The following GPR26 variants were observed in gnomAD, a reference collection of about 807,000 sequenced individuals.
GPR26 encodes G protein-coupled receptor 26.
In GPR26, 15 loss-of-function variants were observed where a neutral mutation model predicts 23.1. The ratio of observed to expected loss-of-function variants is 0.65; its 90% CI spans 0.43 to 1.00. GPR26 has a LOEUF of 1.00. Among genes scored for constraint, GPR26 ranks in the 50% least tolerant of loss-of-function variants. The pLI, the probability that GPR26 is intolerant of heterozygous loss-of-function variation, is 0.00. For missense variants in GPR26, 359 were observed against 470.5 expected (o/e 0.76, Z 2.19); for synonymous variants, 228 against 222.1 (o/e 1.03, Z -0.24).
intron 1 of GPR26, among the ~76,000 whole-genome samples, chr10:123,671,978 G>A (rs1169435231): frequency 2.0e-5 from 3 of 152,160 alleles, no homozygotes; most frequent in African/African-American, 7.2e-5. Flanking sequence ...TTCTCATACT[G>A]TGCTTAAATA....
chr10:123,677,607 G>A (rs998722910), intron 2 of GPR26, among the ~76,000 whole-genome samples: 5 of 152,298 alleles, frequency 3.3e-5, no homozygotes, highest in Middle Eastern at 3.4e-3. Context: ...GTGCGACCCC[G>A]GGAGTTCCCC....
At chr10:123,679,301 A>C (rs1023052902) in intron 2 of GPR26, among the ~76,000 whole-genome samples, 2 of 151,158 alleles carry the variant, frequency 1.3e-5, no homozygotes, top group African/African-American at 4.9e-5. Flanking sequence ...TTAGCAGAGC[A>C]CTGTGTTGAA....
chr10:123,695,505 G>C lies in GPR26; in HGVS notation c.*7345G>C, dbSNP rs1030808549. Among the ~76,000 whole-genome samples, 5 of 152,140 alleles carry C rather than the reference G, an allele frequency of 3.3e-5. No homozygotes were observed. The highest frequency in any genetic ancestry group is 9.7e-5 in the African/African-American group (4 of 41,416). ...GAGTTAAGAGTATCACCATCAAGGC[G>C]CAAGGCTTCAGTCTTATCCCGGACA... On this transcript the variant is annotated 3_prime_UTR_variant, in exon 3 of 3. Transcript: ENST00000284674.
rs910756881 is a variant in GPR26 at position 123,671,101 on chromosome 10, C to G, written c.669-3717C>G. On this transcript the variant is annotated intron_variant, in intron 1 of 2. Transcript: ENST00000284674. ...TGCCTTAAAAGCCAGAAAAACCAAT[C>G]TGAGTCACTCCTTAAATACTCAGAG... Among the ~76,000 whole-genome samples, 3 of 152,198 alleles carry G rather than the reference C, an allele frequency of 2.0e-5. 1 individual carries two copies. In the South Asian group the frequency reaches 6.2e-4, roughly 32 times the overall value.
chr10:123,673,678 C>T (rs1319686543), intron 1 of GPR26, among the ~76,000 whole-genome samples: 1 of 152,020 alleles, frequency 6.6e-6, no homozygotes, highest in Non-Finnish European at 1.5e-5. Context: ...CTTCAATGAC[C>T]CCATCATGTG....
At chr10:123,677,194 T>A (rs192253119) in intron 2 of GPR26, among the ~76,000 whole-genome samples, 1 of 148,738 alleles carries the variant, frequency 6.7e-6, no homozygotes, top group Non-Finnish European at 1.5e-5. Context: ...AAAAAAAAAA[T>A]TACAGCTAGG....
rs994936412 is a variant in GPR26 at position 123,693,000 on chromosome 10, C to G, written c.*4840C>G. ...GACAAAACTGATCTCTCCATGAAAT[C>G]CCCTGCACCTCACTCTGGGCAGCTC... is the stretch of plus-strand genomic sequence containing the variant. On this transcript the variant is annotated 3_prime_UTR_variant, in exon 3 of 3. Transcript: ENST00000284674. 1 of 152,180 alleles carries G rather than the reference C, an allele frequency of 6.6e-6. No individual in the cohort carries two copies. The highest frequency in any genetic ancestry group is 1.5e-5 in the Non-Finnish European group (1 of 68,052). The allele number at this position is 152,180 out of a possible 1,614,324, so 9.4% of individuals were successfully genotyped here. A position where few individuals can be genotyped will look rare whatever the true frequency, so the allele number is the denominator to read the frequency against.
chr10:123,675,633 A>C (rs1004215323), intron 2 of GPR26, among the ~76,000 whole-genome samples: 1 of 151,918 alleles, frequency 6.6e-6, no homozygotes, highest in African/African-American at 2.4e-5. Flanking sequence ...TATATTACTC[A>C]ATCAGTTTTG....
chr10:123,669,834 C>T (rs1390796539), intron 1 of GPR26, among the ~76,000 whole-genome samples: 2 of 152,200 alleles, frequency 1.3e-5, no homozygotes, highest in Non-Finnish European at 2.9e-5. Flanking sequence ...ATTCCGCACT[C>T]CTGCCTTTCT....
rs1316033988 is a variant in GPR26 at position 123,666,866 on chromosome 10, C to T, written c.459C>T (p.Tyr153=). Residue 153 remains tyrosine (Y), a synonymous_variant, in exon 1 of 3, where the codon TAC becomes TAT. Coordinates refer to ENST00000284674, the MANE Select transcript of GPR26 (RefSeq NM_153442.4). The part of the protein sequence containing the change: ...ALSWLGFHQL[Y]ASCTLCSRRP... Reference sequence around the variant, plus strand: ...CCTGGCTCGGCTTCCACCAGCTGTACGCCTCGTGCACGCTGTGCAGCCGGC... The same window carrying T: ...CCTGGCTCGGCTTCCACCAGCTGTATGCCTCGTGCACGCTGTGCAGCCGGC... The T allele has an allele frequency of 6.2e-7, 1 of 1,611,108 alleles. No individual in the cohort carries two copies. The highest frequency in any genetic ancestry group is 8.5e-7 in the Non-Finnish European group (1 of 1,179,056).
At position 123,690,593 on chromosome 10, in the gene GPR26, C is replaced by G. The variant is rs1034338446; in HGVS notation, c.*2433C>G. On this transcript the variant is annotated 3_prime_UTR_variant, in exon 3 of 3. Transcript: ENST00000284674. ...TCTAAAACCAATTGTACCGACATCACGTAGACAAAAACTCCAGATAAATCC... is the reference window on the plus strand; with the variant it reads ...TCTAAAACCAATTGTACCGACATCAGGTAGACAAAAACTCCAGATAAATCC... The G allele has an allele frequency of 1.3e-5, 2 of 152,132 alleles. No homozygotes were observed. The highest frequency in any genetic ancestry group is 2.9e-5 in the Non-Finnish European group (2 of 68,036). The allele number at this position is 152,132 out of a possible 1,614,324, so 9.4% of individuals were successfully genotyped here.
At position 123,688,222 on chromosome 10, in the gene GPR26, C is replaced by A; in HGVS notation, c.*62C>A. 1 of 456,000 alleles carries A rather than the reference C, an allele frequency of 2.2e-6. No homozygotes were observed. The highest frequency in any genetic ancestry group is 4.4e-6 in the Non-Finnish European group (1 of 226,772). The allele number at this position is 456,000 out of a possible 1,614,324, so 28.2% of individuals were successfully genotyped here. ...AGCGGTGAGAAGAAGGGTGGGAGGG[C>A]GTGGGGGCCCCTGGGTGGACACCAC... On this transcript the variant is annotated 3_prime_UTR_variant, in exon 3 of 3. Coordinates refer to ENST00000284674, the MANE Select transcript of GPR26 (RefSeq NM_153442.4).
chr10:123,685,079 T>C (rs1340641180), intron 2 of GPR26, among the ~76,000 whole-genome samples: 3 of 152,112 alleles, frequency 2.0e-5, no homozygotes, highest in Non-Finnish European at 4.4e-5. Flanking sequence ...GGGAAAGGCA[T>C]TAAATAAACT....
chr10:123,681,020 G>A (rs1017051645), intron 2 of GPR26, among the ~76,000 whole-genome samples: 3 of 152,006 alleles, frequency 2.0e-5, no homozygotes, highest in African/African-American at 7.2e-5. Context: ...GATATTTTTA[G>A]TAGAGATGGG....
chr10:123,673,754 A>G (rs1221517678), intron 1 of GPR26, among the ~76,000 whole-genome samples: 1 of 152,174 alleles, frequency 6.6e-6, no homozygotes, highest in East Asian at 1.9e-4. Flanking sequence ...GGAGGAAAGG[A>G]AGCCTCATGC....
intron 1 of GPR26, among the ~76,000 whole-genome samples, chr10:123,667,561 C>CTGTG (rs71026066): frequency 0.2 from 25,149 of 124,752 alleles, 2,681 homozygotes; most frequent in Middle Eastern, 0.26. Context: ...TGTCTCACGA[C>CTGTG]TGTGTGTGTG....
chr10:123,688,631 C>CG lies in GPR26; in HGVS notation c.*471_*472insG. On this transcript the variant is annotated 3_prime_UTR_variant, in exon 3 of 3. Transcript: ENST00000284674. ...GTCATTTGGCCCGGATCTAACATGG[C>CG]ACCTCGTCTCCACAGGGTAGTGGTG... The CG allele has an allele frequency of 2.8e-5, 5 of 176,710 alleles. No homozygotes were observed. The highest frequency in any genetic ancestry group is 2.8e-4 in the South Asian group (2 of 7,142). The allele number at this position is 176,710 out of a possible 1,614,324, so 10.9% of individuals were successfully genotyped here.
Position 123,666,717 on chromosome 10 carries a change from C to G in GPR26, c.310C>G (p.Arg104Gly), listed in dbSNP as rs1845188354. The change falls in exon 1 of 3, where the codon CGC becomes GGC. Residue 104 changes from arginine to glycine, a missense_variant. Physicochemically the swap from Arg to Gly is moderately radical, Grantham distance 125. Transcript: ENST00000284674. Reference sequence around the variant, plus strand: ...CAGCATGGCCGCGCTCAGCATCGACCGCTGGGTGGCCGTGGTCTTCCCGCT... The same window carrying G: ...CAGCATGGCCGCGCTCAGCATCGACGGCTGGGTGGCCGTGGTCTTCCCGCT... ...MLSMAALSIDRWVAVVFPLSY... is the reference protein window; with the variant it reads ...MLSMAALSIDGWVAVVFPLSY... 1 of 1,598,786 alleles carries G rather than the reference C, an allele frequency of 6.3e-7. No homozygotes were observed. Among genetic ancestry groups the G allele is most frequent in the Non-Finnish European group, 8.5e-7 (1 of 1,177,766 alleles).
intron 1 of GPR26, among the ~76,000 whole-genome samples, chr10:123,668,472 A>G (rs577957870): frequency 6.6e-6 from 1 of 152,186 alleles, no homozygotes; most frequent in Non-Finnish European, 1.5e-5. Flanking sequence ...CTCCACACAC[A>G]ATCTCATGTG....
Sources: gnomAD v4.1 joint callset for allele counts (sites outside exome capture counted in the v4.1 genomes callset) on GRCh38, gnomAD v4.1.1 for gene constraint, MANE v1.5 for transcripts, NCBI Gene and HGNC (gene_info 2026-07-23, HGNC 2026-07-21) for gene names.